LRFN5: variants seen among roughly 807,000 people sequenced by gnomAD.
LRFN5 encodes leucine-rich repeat and fibronectin type-III domain-containing protein 5.
A neutral mutation model predicts 45.6 loss-of-function variants in LRFN5; 24 were observed. The ratio of observed to expected loss-of-function variants is 0.53; its 90% CI spans 0.38 to 0.74. LRFN5 has a LOEUF of 0.74. LRFN5 is among the 30% of genes least tolerant of loss of function. The pLI is 0.00. For synonymous variants in LRFN5, 340 were observed against 313.8 expected (o/e 1.08, Z -0.88); for missense variants, 776 against 861.5 (o/e 0.90, Z 1.24).
chr14:41,646,611 G>T (rs1471422024), intron 1 of LRFN5, among the ~76,000 whole-genome samples: 2 of 152,102 alleles, frequency 1.3e-5, no homozygotes, highest in African/African-American at 4.8e-5. Context: ...TATTAATTAT[G>T]CCCTGATAAG....
intron 1 of LRFN5, among the ~76,000 whole-genome samples, chr14:41,656,318 CTCTT>C (rs1225910821): frequency 6.6e-6 from 1 of 151,990 alleles, no homozygotes; most frequent in Non-Finnish European, 1.5e-5. Context: ...TCTGAGAAGA[CTCTT>C]TATGCTAATC....
intron 2 of LRFN5, among the ~76,000 whole-genome samples, chr14:41,824,375 G>A (rs756999662): frequency 3.3e-5 from 5 of 152,212 alleles, no homozygotes; most frequent in South Asian, 2.1e-4. Context: ...TTACCATTTA[G>A]CTTTTATTCC....
At chr14:41,764,344 T>C (rs1475512687) in intron 1 of LRFN5, among the ~76,000 whole-genome samples, 1 of 152,228 alleles carries the variant, frequency 6.6e-6, no homozygotes, top group Admixed American at 6.5e-5. Context: ...TTACCTCATT[T>C]GATTCTTAAG....
intron 1 of LRFN5, chr14:41,610,220 C>G (rs774614419): frequency 3.9e-5 from 6 of 152,258 alleles, no homozygotes; most frequent in African/African-American, 1.4e-4. Flanking sequence ...GCGTGGAGGG[C>G]GGTGGTGTCC....
chr14:41,786,631 A>G (rs1886731234), intron 2 of LRFN5, among the ~76,000 whole-genome samples: 1 of 150,256 alleles, frequency 6.7e-6, no homozygotes, highest in Non-Finnish European at 1.5e-5. Context: ...AACATCTTGC[A>G]TCAGTGAGGT....
chr14:41,700,931 T>G (rs886963807), intron 1 of LRFN5: 1 of 152,078 alleles, frequency 6.6e-6, no homozygotes, highest in Non-Finnish European at 1.5e-5. Context: ...GGTGTAGGCA[T>G]ACATACCAAG....
intron 5 of LRFN5, among the ~76,000 whole-genome samples, chr14:41,900,721 A>C (rs931451736): frequency 6.6e-6 from 1 of 151,876 alleles, no homozygotes; most frequent in East Asian, 1.9e-4. Context: ...TTACTGTATG[A>C]CCCCAAGGTA....
intron 1 of LRFN5, among the ~76,000 whole-genome samples, chr14:41,728,612 A>T (rs1000552910): frequency 6.6e-6 from 1 of 152,196 alleles, no homozygotes; most frequent in Non-Finnish European, 1.5e-5. Flanking sequence ...TAAGATTAGA[A>T]TCTATTCAAT....
intron 2 of LRFN5, among the ~76,000 whole-genome samples, chr14:41,818,649 T>C (rs1372851044): frequency 6.6e-6 from 1 of 152,136 alleles, no homozygotes; most frequent in East Asian, 1.9e-4. Flanking sequence ...CTACTTCTCT[T>C]GTTTCAATTG....
chr14:41,894,271 T>A (rs1246054123), intron 4 of LRFN5: 6 of 968,868 alleles, frequency 6.2e-6, no homozygotes, highest in South Asian at 9.6e-5. Context: ...CCAGTATTTT[T>A]AAAAATCAAT....
At chr14:41,735,753 C>T (rs1214832131) in intron 1 of LRFN5, among the ~76,000 whole-genome samples, 1 of 152,036 alleles carries the variant, frequency 6.6e-6, no homozygotes, top group African/African-American at 2.4e-5. Flanking sequence ...TATCCCTCGC[C>T]TTGTCCCCCA....
intron 1 of LRFN5, among the ~76,000 whole-genome samples, chr14:41,660,586 A>G (rs996151613): frequency 6.6e-6 from 1 of 152,000 alleles, no homozygotes; most frequent in African/African-American, 2.4e-5. Context: ...TAGACATTGG[A>G]AACAGTTTGT....
intron 2 of LRFN5, among the ~76,000 whole-genome samples, chr14:41,872,983 G>A (rs1331140379): frequency 1.3e-5 from 2 of 152,096 alleles, no homozygotes; most frequent in African/African-American, 2.4e-5. Context: ...ACTTCTTTAT[G>A]AGTCATAAAC....
At chr14:41,765,355 GAAAA>G (rs34981709) in intron 1 of LRFN5, among the ~76,000 whole-genome samples, 5 of 124,886 alleles carry the variant, frequency 4.0e-5, no homozygotes, top group Non-Finnish European at 6.8e-5. Flanking sequence ...AAAAAAGGAG[GAAAA>G]AAAAAAAAAA....
chr14:41,892,122 A>T (rs1890807657), intron 4 of LRFN5, 160 bp downstream of exon 4: 1 of 985,306 alleles, frequency 1.0e-6, no homozygotes, highest in Non-Finnish European at 1.2e-6. Context: ...ATTCAGTCTG[A>T]CTGTTCTGAT....
intron 1 of LRFN5, among the ~76,000 whole-genome samples, chr14:41,629,591 C>T (rs764769204): frequency 7.2e-5 from 11 of 152,158 alleles, no homozygotes; most frequent in Non-Finnish European, 1.6e-4. Context: ...GTTCTCTAAA[C>T]GCAGTAAGCT....
chr14:41,892,300 T>TAC, intron 4 of LRFN5: 1 of 962,662 alleles, frequency 1.0e-6, no homozygotes, highest in Non-Finnish European at 1.2e-6. Flanking sequence ...AGTATATATA[T>TAC]ATACACATAT....
intron 1 of LRFN5, among the ~76,000 whole-genome samples, chr14:41,627,041 A>T (rs1403570842): frequency 6.6e-6 from 1 of 152,164 alleles, no homozygotes; most frequent in Non-Finnish European, 1.5e-5. Flanking sequence ...TACATTTTCA[A>T]TAAACTTGAT....
chr14:41,656,388 G>A (rs1447580), intron 1 of LRFN5, among the ~76,000 whole-genome samples: 43,464 of 151,736 alleles, frequency 0.29, 6,362 homozygotes, highest in South Asian at 0.36. Context: ...TATTCACACC[G>A]AATTTTATTC....
Sources: gnomAD v4.1 joint callset for allele counts (sites outside exome capture counted in the v4.1 genomes callset) on GRCh38, gnomAD v4.1.1 for gene constraint, MANE v1.5 for transcripts, NCBI Gene and HGNC (gene_info 2026-07-23, HGNC 2026-07-21) for gene names.